Variants in GPS2 observed in about 807,000 individuals in gnomAD.
The protein encoded by GPS2 is GPS-2.
A neutral mutation model predicts 48.1 loss-of-function variants in GPS2; 22 were observed. The ratio of observed to expected loss-of-function variants is 0.46; its 90% confidence interval spans 0.33 to 0.65. The LOEUF (loss-of-function observed/expected upper bound fraction) is 0.65. Ranked by LOEUF, GPS2 falls within the 30% of genes least tolerant of loss-of-function variation. The pLI is 0.03. For missense variants in GPS2, 366 were observed against 406.8 expected (o/e 0.90, Z 0.86); for synonymous variants, 202 against 142.5 (o/e 1.42, Z -2.98).
rs112435041 is a variant in GPS2 at position 7,313,275 on chromosome 17, A to G, written c.741T>C (p.Gly247=). The change falls in exon 9 of 11, where the codon GGT becomes GGC. Residue 247 remains glycine, a synonymous_variant. Coordinates refer to ENST00000380728, the MANE Select transcript of GPS2 (RefSeq NM_004489.5). The part of the protein sequence containing the change: ...QPTQTGFLQP[G]GALSLQKQME... ...TCTGCTTTTGCAAGGACAGGGCACC[A>G]CCAGGCTGGAGGAAACCTAGGTGGG... 1.2e-6 allele frequency: 2 copies of G among 1,614,150 alleles called. No homozygotes were observed. The highest frequency in any genetic ancestry group is 1.7e-6 in the Non-Finnish European group (2 of 1,179,988).
intron 2 of GPS2, 47 bp downstream of exon 2, chr17:7,314,912 A>C (rs772455386): frequency 4.6e-5 from 71 of 1,543,168 alleles, no homozygotes; most frequent in Admixed American, 3.9e-5. Flanking sequence ...CTTGAGGTAC[A>C]GGAGCCATTC....
In GPS2 at chr17:7,314,960, C is replaced by T. The variant is rs908626399; in HGVS notation, c.93G>A (p.Gln31=). The change falls in exon 2 of 11, where the codon CAG becomes CAA. Residue 31 remains glutamine (Q), a splice_region_variant and synonymous_variant. Coordinates refer to ENST00000380728, the MANE Select transcript of GPS2 (RefSeq NM_004489.5). The part of the protein sequence containing the change: ...HIMMERERKR[Q]EEEEVDKMME... ...CCCCCTGCTATGGCCCCGGCTCACC[C>T]TGCCGCTTGCGCTCCCGCTCCATCA... 1.3e-6 allele frequency: 2 copies of T among 1,579,838 alleles called. No homozygotes were observed. The highest frequency in any genetic ancestry group is 1.8e-5 in the Admixed American group (1 of 55,366).
chr17:7,312,980 G>A (rs1357115293), intron 10 of GPS2, 49 bp downstream of exon 10: 1 of 1,466,650 alleles, frequency 6.8e-7, no homozygotes, highest in East Asian at 2.3e-5. Context: ...TGCTTTTCCG[G>A]ATCCCTAGTG....
At chr17:7,312,945 G>A in intron 10 of GPS2, 84 bp downstream of exon 10, 1 of 1,460,612 alleles carries the variant, frequency 6.8e-7, no homozygotes, top group Non-Finnish European at 9.5e-7. Flanking sequence ...ACCAGATGAT[G>A]TGGGCCACCT....
At position 7,314,503 on chromosome 17, in the gene GPS2, C is replaced by T. The variant is rs2072911417; in HGVS notation, c.189G>A (p.Glu63=). The part of the protein sequence containing the change: ...KKEMEERMSL[E]ETKEQILKLE... ...GACTGCTTACTTGTTCCTTGGTCTC[C>T]TCTAATGACATTCTCTCTTCCATCT... The change falls in exon 3 of 11, where the codon GAG becomes GAA. Residue 63 remains glutamate, a synonymous_variant. Transcript: ENST00000380728. 2 of 1,614,184 alleles carry T rather than the reference C, an allele frequency of 1.2e-6. No homozygotes were observed. Among genetic ancestry groups the T allele is most frequent in the South Asian group, 1.1e-5 (1 of 91,082 alleles).
chr17:7,314,416 G>A lies in GPS2; in HGVS notation c.205-13C>T. ...CCAACTTCAGAATCTGGGATGGGGTGGGAAAAGAAGATGAAGGCAGGGAGA... is the reference window on the plus strand; with the variant it reads ...CCAACTTCAGAATCTGGGATGGGGTAGGAAAAGAAGATGAAGGCAGGGAGA... On this transcript the variant is annotated splice_polypyrimidine_tract_variant and intron_variant, in intron 3 of 10. Transcript: ENST00000380728. The A allele has an allele frequency of 1.2e-6, 2 of 1,614,086 alleles. No individual in the cohort carries two copies. The highest frequency in any genetic ancestry group is 1.7e-5 in the Admixed American group (1 of 60,012).
rs1288107206 is a variant in GPS2 at position 7,313,278 on chromosome 17, A to G, written c.738T>C (p.Pro246=). ...GCTTTTGCAAGGACAGGGCACCACC[A>G]GGCTGGAGGAAACCTAGGTGGGGAA... The part of the protein sequence containing the change: ...FQPTQTGFLQ[P]GGALSLQKQM... The change falls in exon 9 of 11, where the codon CCT becomes CCC. Residue 246 remains proline, a synonymous_variant. Transcript: ENST00000380728. 6.2e-7 allele frequency: 1 copy of G among 1,614,124 alleles called. No individual in the cohort carries two copies. Among genetic ancestry groups the G allele is most frequent in the Non-Finnish European group, 8.5e-7 (1 of 1,179,960 alleles).
At chr17:7,313,006 G>A (rs781481038) in intron 10 of GPS2, 23 bp downstream of exon 10, 20 of 1,529,254 alleles carry the variant, frequency 1.3e-5, no homozygotes, top group Admixed American at 7.7e-5. Flanking sequence ...ATTCTGACAG[G>A]TAAATTCTAT....
intron 2 of GPS2, 66 bp downstream of exon 2, chr17:7,314,893 G>C (rs2072917031): frequency 2.6e-6 from 4 of 1,520,540 alleles, no homozygotes; most frequent in Non-Finnish European, 3.6e-6. Context: ...CCGGTGGGTT[G>C]AGGCCAGCCT....
At position 7,313,367 on chromosome 17, in the gene GPS2, G is replaced by A. The variant is rs751903007; in HGVS notation, c.724+13C>T. ...GACCTGAGAGCTAGAGCTCCTGCAT[G>A]GGATGTTATCACCTGTCTGAGTGGG... On this transcript the variant is annotated intron_variant, in intron 8 of 10. Transcript: ENST00000380728. 2.0e-5 allele frequency: 33 copies of A among 1,612,934 alleles called. No individual in the cohort carries two copies. Among genetic ancestry groups the A allele is most frequent in the African/African-American group, 6.7e-5 (5 of 74,896 alleles).
Position 7,312,663 on chromosome 17 carries a change from G to A in GPS2, c.*93C>T, listed in dbSNP as rs1368190892. 2.0e-6 allele frequency: 2 copies of A among 1,002,902 alleles called. No individual in the cohort carries two copies. The highest frequency in any genetic ancestry group is 1.6e-5 in the African/African-American group (1 of 63,574). 62.1% of individuals were successfully genotyped at this position (1,002,902 alleles called of 1,614,324 possible). ...ACACAAACAGCAGCAGCCAGGGGCA[G>A]TGGCAGGTAGATTTTATTGGCCTGG... On this transcript the variant is annotated 3_prime_UTR_variant, in exon 11 of 11. Coordinates refer to ENST00000380728, the MANE Select transcript of GPS2 (RefSeq NM_004489.5).
chr17:7,313,747 C>G, intron 6 of GPS2, 26 bp from the exon 7 acceptor site: 1 of 1,610,792 alleles, frequency 6.2e-7, no homozygotes, highest in Non-Finnish European at 8.5e-7. Context: ...GAGAACTCGC[C>G]TACAAACTCC....
At chr17:7,314,748 G>C in intron 2 of GPS2, 151 bp from the exon 3 acceptor site, 5 of 1,471,490 alleles carry the variant, frequency 3.4e-6, no homozygotes, top group Non-Finnish European at 4.6e-6. Context: ...ATAGGGAACG[G>C]AAAGGCTTTA....
In GPS2 at chr17:7,313,214, A is replaced by G; in HGVS notation, c.802T>C (p.Ser268Pro). Residue 268 changes from serine to proline, a missense_variant and splice_region_variant, in exon 9 of 11, where the codon TCA (serine) becomes CCA (proline). Ser to Pro is a moderately conservative substitution (Grantham distance 74). Transcript: ENST00000380728. ...ACCTCCCAAGGTGCCATACTCACTG[A>G]GTCGGAGAAGCCAGTCTGCTGGTTA... The part of the protein sequence containing the change: ...HANQQTGFSD[S>P]SSLRPMHPQA... 6.2e-7 allele frequency: 1 copy of G among 1,613,966 alleles called. No homozygotes were observed. Among genetic ancestry groups the G allele is most frequent in the Non-Finnish European group, 8.5e-7 (1 of 1,179,814 alleles).
chr17:7,313,977 C>G lies in GPS2; in HGVS notation c.409G>C (p.Gly137Arg). The G allele has an allele frequency of 1.9e-6, 3 of 1,613,858 alleles. No individual in the cohort carries two copies. The highest frequency in any genetic ancestry group is 2.5e-6 in the Non-Finnish European group (3 of 1,179,796). Reference protein sequence around the residue: ...HLLSMQGSPGGHNRPGTLMAA... With the variant: ...HLLSMQGSPGRHNRPGTLMAA... ...ATGAGGGTGCCTGGGCGATTGTGTC[C>G]TCCAGGGCTCCCTAGAAAGGGAGAA... Residue 137 changes from glycine to arginine, a missense_variant, in exon 6 of 11, where the codon GGA becomes CGA. By Grantham distance (125) the Gly-to-Arg change is moderately radical (BLOSUM62 -2). Transcript: ENST00000380728.
intron 2 of GPS2, 80 bp downstream of exon 2, chr17:7,314,879 T>C: frequency 6.7e-7 from 1 of 1,487,966 alleles, no homozygotes; most frequent in Non-Finnish European, 9.2e-7. Context: ...GGCGCGCTGG[T>C]TGGCCGGTGG....
rs2072925504 is a variant in GPS2, at chr17:7,315,354, C to T, written c.-91G>A. On this transcript the variant is annotated 5_prime_UTR_variant, in exon 1 of 11. Coordinates refer to ENST00000380728, the MANE Select transcript of GPS2 (RefSeq NM_004489.5). ...ACCCGCCTTCTCTGCGCTTTCTCAG[C>T]GGCTCCGACGCGCCCTGGCCCCTGC... The T allele has an allele frequency of 1.0e-5, 4 of 393,546 alleles. No individual in the cohort carries two copies. Among genetic ancestry groups the T allele is most frequent in the Non-Finnish European group, 1.8e-5 (4 of 223,502 alleles). 24.4% of individuals were successfully genotyped at this position (393,546 alleles called of 1,614,324 possible).
Position 7,313,212 on chromosome 17 carries a change from T to C in GPS2, c.804A>G (p.Ser268=), listed in dbSNP as rs769364819. 5.0e-6 allele frequency: 8 copies of C among 1,613,774 alleles called. No individual in the cohort carries two copies. The highest frequency in any genetic ancestry group is 1.6e-4 in the Middle Eastern group (1 of 6,084). Residue 268 remains serine (S), a splice_region_variant and synonymous_variant, in exon 9 of 11, where the codon TCA becomes TCG. Coordinates refer to ENST00000380728, the MANE Select transcript of GPS2 (RefSeq NM_004489.5). ...TGACCTCCCAAGGTGCCATACTCACTGAGTCGGAGAAGCCAGTCTGCTGGT... is the reference window on the plus strand; with the variant it reads ...TGACCTCCCAAGGTGCCATACTCACCGAGTCGGAGAAGCCAGTCTGCTGGT... ...HANQQTGFSD[S]SSLRPMHPQA...
At chr17:7,312,885 C>T (rs751087836) in intron 10 of GPS2, 46 bp from the exon 11 acceptor site, 66 of 1,562,746 alleles carry the variant, frequency 4.2e-5, no homozygotes, top group Non-Finnish European at 5.7e-5. Flanking sequence ...GGCATACTCT[C>T]CCTTCCACTT....
Sources: allele counts gnomAD v4.1 joint callset, GRCh38; gene constraint gnomAD v4.1.1; transcripts MANE v1.5; gene names NCBI Gene and HGNC (gene_info 2026-07-23, HGNC 2026-07-21).